Variants in LRRC4C observed in about 807,000 individuals in gnomAD.
LRRC4C encodes leucine-rich repeat-containing protein 4C.
Under a neutral mutation model 33.6 loss-of-function variants are expected in LRRC4C, and 5 were observed. That is an observed-to-expected ratio of 0.15 (90% confidence interval 0.08 to 0.31). LRRC4C has a LOEUF of 0.31. LRRC4C is among the 10% of genes least tolerant of loss of function. The pLI is 1.00. For missense variants in LRRC4C, 560 were observed against 796.7 expected, an observed-to-expected ratio of 0.70 and a Z score of 3.58; for synonymous variants, 329 against 302.0, an observed-to-expected ratio of 1.09 and a Z score of -0.93.
chr11:40,908,447 G>T (rs1235638141), intron 2 of LRRC4C, among the ~76,000 whole-genome samples: 2 of 152,014 alleles, frequency 1.3e-5, no homozygotes, highest in African/African-American at 4.8e-5. Flanking sequence ...TTATTTGCTG[G>T]AGAAGCATTC....
chr11:41,148,682 G>A (rs1179199915), intron 1 of LRRC4C, among the ~76,000 whole-genome samples: 1 of 152,020 alleles, frequency 6.6e-6, no homozygotes, highest in Non-Finnish European at 1.5e-5. Context: ...CCTGGAACTG[G>A]TATAGCACAG....
In LRRC4C at chr11:41,168,301, A is replaced by C. The variant is rs938909739; in HGVS notation, c.-495-234578T>G. Among the ~76,000 whole-genome samples, 4 of 152,220 alleles carry C rather than the reference A, an allele frequency of 2.6e-5. No homozygotes were observed. The East Asian group carries it at 7.7e-4, about 29-fold the overall frequency. On this transcript the variant is annotated intron_variant, in intron 1 of 6. Coordinates refer to ENST00000528697, the MANE Select transcript of LRRC4C (RefSeq NM_001258419.2). Reference sequence around the variant, plus strand: ...AACTGATGAGCTAGCTAAAGCACAGAGTTTAATAAACTGGATAACAGCTTA... The same window carrying C: ...AACTGATGAGCTAGCTAAAGCACAGCGTTTAATAAACTGGATAACAGCTTA...
chr11:40,152,063 C>T (rs1391859460), intron 5 of LRRC4C, among the ~76,000 whole-genome samples: 7 of 152,122 alleles, frequency 4.6e-5, no homozygotes, highest in Non-Finnish European at 8.8e-5. Context: ...CCAAGAGGAA[C>T]CACAGACCCT....
intron 1 of LRRC4C, among the ~76,000 whole-genome samples, chr11:41,415,342 G>A (rs757507843): frequency 6.6e-6 from 1 of 152,078 alleles, no homozygotes; most frequent in Non-Finnish European, 1.5e-5. Context: ...GAAGGTTTGA[G>A]GTTTGCCTCT....
intron 3 of LRRC4C, among the ~76,000 whole-genome samples, chr11:40,452,604 A>G (rs1951939285): frequency 6.6e-6 from 1 of 152,216 alleles, no homozygotes; most frequent in African/African-American, 2.4e-5. Context: ...TAGTTCAACC[A>G]TTGTGGAAGT....
chr11:40,964,178 C>T (rs1051654027), intron 1 of LRRC4C, among the ~76,000 whole-genome samples: 1 of 151,496 alleles, frequency 6.6e-6, no homozygotes, highest in Non-Finnish European at 1.5e-5. Context: ...CAGGTGAAAC[C>T]CTTGCAACAG....
chr11:41,115,868 T>C (rs1942094238), intron 1 of LRRC4C, among the ~76,000 whole-genome samples: 1 of 152,100 alleles, frequency 6.6e-6, no homozygotes, highest in Non-Finnish European at 1.5e-5. Flanking sequence ...GCATTACTGA[T>C]GCTATTTGCC....
At chr11:41,066,948 G>A (rs534393949) in intron 1 of LRRC4C, among the ~76,000 whole-genome samples, 2 of 152,160 alleles carry the variant, frequency 1.3e-5, no homozygotes, top group Non-Finnish European at 2.9e-5. Flanking sequence ...ACTGATACCA[G>A]CCACTGCAAA....
At chr11:40,570,132 T>G (rs112412095) in intron 3 of LRRC4C, among the ~76,000 whole-genome samples, 1 of 152,132 alleles carries the variant, frequency 6.6e-6, no homozygotes, top group African/African-American at 2.4e-5. Flanking sequence ...ACATAATTTA[T>G]ATGTATATTA....
At chr11:41,216,481 G>A (rs1040360965) in intron 1 of LRRC4C, among the ~76,000 whole-genome samples, 1 of 151,252 alleles carries the variant, frequency 6.6e-6, no homozygotes. Context: ...AAAAAGGTAG[G>A]TAGAAACTGA....
At chr11:40,121,274 TC>T (rs1425439238) in intron 6 of LRRC4C, among the ~76,000 whole-genome samples, 5 of 152,172 alleles carry the variant, frequency 3.3e-5, no homozygotes, top group African/African-American at 1.2e-4. Context: ...TACTTCAAGG[TC>T]TTTGTGCTAT....
intron 5 of LRRC4C, among the ~76,000 whole-genome samples, chr11:40,209,453 T>C (rs1259651427): frequency 6.6e-6 from 1 of 152,100 alleles, no homozygotes; most frequent in African/African-American, 2.4e-5. Flanking sequence ...GGAGAGAAAA[T>C]AATATACAAT....
At chr11:41,025,175 A>G (rs1856256430) in intron 1 of LRRC4C, among the ~76,000 whole-genome samples, 1 of 151,660 alleles carries the variant, frequency 6.6e-6, no homozygotes, top group Non-Finnish European at 1.5e-5. Flanking sequence ...TAAGTTTGCC[A>G]GTGAAAGGAA....
At chr11:40,365,663 T>A (rs1221728869) in intron 3 of LRRC4C, among the ~76,000 whole-genome samples, 4 of 151,984 alleles carry the variant, frequency 2.6e-5, no homozygotes, top group Non-Finnish European at 5.9e-5. Flanking sequence ...AAGAAGTAAA[T>A]GTCATGAGTG....
chr11:40,986,939 T>A (rs1048503579), intron 1 of LRRC4C, among the ~76,000 whole-genome samples: 1 of 152,202 alleles, frequency 6.6e-6, no homozygotes, highest in Non-Finnish European at 1.5e-5. Flanking sequence ...GCAAAACCAA[T>A]GACTACCTTC....
At chr11:41,034,315 C>T (rs936278501) in intron 1 of LRRC4C, among the ~76,000 whole-genome samples, 24 of 151,372 alleles carry the variant, frequency 1.6e-4, no homozygotes, top group African/African-American at 5.1e-4. Flanking sequence ...GATAGTGATA[C>T]GCGTGCTCTT....
chr11:40,625,486 A>G (rs928009515), intron 3 of LRRC4C, among the ~76,000 whole-genome samples: 2 of 152,266 alleles, frequency 1.3e-5, no homozygotes, highest in Non-Finnish European at 1.5e-5. Context: ...CTTATTCACT[A>G]TCACGAGAAC....
chr11:41,373,992 T>G (rs900948333), intron 1 of LRRC4C, among the ~76,000 whole-genome samples: 39 of 152,092 alleles, frequency 2.6e-4, no homozygotes, highest in African/African-American at 9.4e-4. Flanking sequence ...GTAAAAAAAT[T>G]TTCATATCAT....
intron 5 of LRRC4C, among the ~76,000 whole-genome samples, chr11:40,206,755 T>A (rs995385873): frequency 9.2e-5 from 14 of 152,128 alleles, no homozygotes; most frequent in African/African-American, 3.4e-4. Flanking sequence ...CTGTTAGGAT[T>A]TAGTATGTGA....
Sources: allele counts gnomAD v4.1 joint callset (sites outside exome capture counted in the v4.1 genomes callset), GRCh38; gene constraint gnomAD v4.1.1; transcripts MANE v1.5; gene names NCBI Gene and HGNC (gene_info 2026-07-23, HGNC 2026-07-21).